The following ZNF106 variants were observed in gnomAD, a reference collection of about 807,000 sequenced individuals.
The protein encoded by ZNF106 is zinc finger protein 106.
ZNF106 carries 67 observed loss-of-function variants against 195.1 expected under a neutral mutation model. That is an observed-to-expected ratio of 0.34 (90% CI 0.28 to 0.42). The LOEUF is 0.42. Ranked by LOEUF, ZNF106 falls within the 10% of genes least tolerant of loss-of-function variation. ZNF106 has a pLI of 1.00. For missense variants in ZNF106, 2,118 were observed against 2,304.5 expected (o/e 0.92, Z 1.66); for synonymous variants, 784 against 818.6 (o/e 0.96, Z 0.72).
rs777876297 is a variant in ZNF106, at chr15:42,451,387, T to C, written c.885A>G (p.Lys295=). The C allele has an allele frequency of 3.1e-6, 5 of 1,614,218 alleles. No individual in the cohort carries two copies. Among genetic ancestry groups the C allele is most frequent in the Non-Finnish European group, 4.2e-6 (5 of 1,180,036 alleles). ...GCCAATTATATCTGTCGTGACTGTA[T>C]TTGTTTGACTTATTAGATTTCTTGT... ...LWNKKSNKSN[K]YSHDRYNWQR... is the part of the protein sequence containing the mutation. The change falls in exon 5 of 22, where the codon AAA becomes AAG. Residue 295 remains lysine, a synonymous_variant. Transcript: ENST00000564754.
chr15:42,426,410 A>AAG (rs1438033463), intron 15 of ZNF106, among the ~76,000 whole-genome samples: 1 of 151,464 alleles, frequency 6.6e-6, no homozygotes, highest in Non-Finnish European at 1.5e-5. Flanking sequence ...AAAAAAAAAA[A>AAG]AGAGAGAGAG....
At chr15:42,437,180 G>A in intron 13 of ZNF106, 52 bp downstream of exon 13, 1 of 1,565,396 alleles carries the variant, frequency 6.4e-7, no homozygotes, top group Non-Finnish European at 8.7e-7. Context: ...AGTATAAACT[G>A]GATTTTCCAA....
chr15:42,448,446 A>G lies in ZNF106; in HGVS notation c.2761T>C (p.Leu921=), dbSNP rs148979493. The G allele has an allele frequency of 5.3e-4, 848 of 1,613,964 alleles. No homozygotes were observed. Among genetic ancestry groups the G allele is most frequent in the Middle Eastern group, 2.1e-3 (13 of 6,084 alleles). Residue 921 remains leucine (L), a synonymous_variant, in exon 6 of 22, where the codon TTG becomes CTG. Transcript: ENST00000564754. ...GCTTTCTGGCTCTGTCCAGCCCTCAATGAGTTACTAGGTGAAACCATCTGC... is the reference window on the plus strand; with the variant it reads ...GCTTTCTGGCTCTGTCCAGCCCTCAGTGAGTTACTAGGTGAAACCATCTGC... ...PQQMVSPSNS[L]RAGQSQKATM...
At chr15:42,430,388 T>G (rs1253374287) in intron 14 of ZNF106, among the ~76,000 whole-genome samples, 1 of 152,038 alleles carries the variant, frequency 6.6e-6, no homozygotes, top group East Asian at 1.9e-4. Flanking sequence ...ACTTATGTAT[T>G]TGTTTTTTGA....
chr15:42,442,003 A>C, intron 10 of ZNF106, 70 bp downstream of exon 10: 1 of 1,258,742 alleles, frequency 7.9e-7, no homozygotes, highest in South Asian at 1.5e-5. Flanking sequence ...AGTATGGCTT[A>C]TATCACTCAT....
In ZNF106 at chr15:42,455,166, G is replaced by T. The variant is rs563556976; in HGVS notation, c.317+1792C>A. Among the ~76,000 whole-genome samples the T allele has an allele frequency of 5.3e-5, 8 of 152,284 alleles. No individual in the cohort carries two copies. In the South Asian group the frequency reaches 1.7e-3, roughly 32 times the overall value. On this transcript the variant is annotated intron_variant, in intron 4 of 21. Coordinates refer to ENST00000564754, the MANE Select transcript of ZNF106 (RefSeq NM_001366845.3). ...CATTTGAAGGACTAAGCTACTAAAT[G>T]ATTTAAGAACCATGTGGTTTGAGTG...
At chr15:42,456,921 T>C in intron 4 of ZNF106, 37 bp downstream of exon 4, 1 of 1,574,402 alleles carries the variant, frequency 6.4e-7, no homozygotes, top group Non-Finnish European at 8.7e-7. Flanking sequence ...CTGTGTTCTG[T>C]TATAGATAGG....
rs2054321539 is a variant in ZNF106, at chr15:42,413,026, T to C, written c.*4278A>G. ...GAAACCAAGGGTGCTGGAGCAGCTC[T>C]AGGGCATATATTTCTCTTAAATAGG... On this transcript the variant is annotated 3_prime_UTR_variant, in exon 22 of 22. Transcript: ENST00000564754. 1 of 152,222 alleles carries C rather than the reference T, an allele frequency of 6.6e-6. No homozygotes were observed. 9.4% of individuals were successfully genotyped at this position (152,222 alleles called of 1,614,324 possible). A position where few individuals can be genotyped will look rare whatever the true frequency, so the allele number is the denominator to read the frequency against.
At chr15:42,484,676 T>C (rs2056970771) in intron 1 of ZNF106, among the ~76,000 whole-genome samples, 1 of 152,162 alleles carries the variant, frequency 6.6e-6, no homozygotes, top group South Asian at 2.1e-4. Flanking sequence ...AGGCAGAGGT[T>C]GCAGTGAGCC....
At chr15:42,461,154 C>T (rs1188052172) in intron 3 of ZNF106, among the ~76,000 whole-genome samples, 1 of 152,144 alleles carries the variant, frequency 6.6e-6, no homozygotes, top group Admixed American at 6.6e-5. Context: ...CCTCTATTAC[C>T]TCTGTTCTCT....
At chr15:42,460,632 A>G (rs12443246) in intron 3 of ZNF106, among the ~76,000 whole-genome samples, 65,254 of 152,136 alleles carry the variant, frequency 0.43, 19,596 homozygotes, top group African/African-American at 0.85. Context: ...AGGCCGAGGC[A>G]GGCAGATCAC....
chr15:42,432,689 A>G (rs1424648010), intron 14 of ZNF106, among the ~76,000 whole-genome samples: 1 of 150,226 alleles, frequency 6.7e-6, no homozygotes, highest in Non-Finnish European at 1.5e-5. Flanking sequence ...CCTAGGCAAC[A>G]TAGCAAGACC....
chr15:42,436,091 C>T (rs1412840941), intron 13 of ZNF106, among the ~76,000 whole-genome samples: 3 of 151,882 alleles, frequency 2.0e-5, no homozygotes, highest in Non-Finnish European at 2.9e-5. Context: ...GTAGCTGGGA[C>T]TACAGGTGCC....
chr15:42,435,350 A>T, intron 14 of ZNF106, 34 bp downstream of exon 14: 1 of 1,613,800 alleles, frequency 6.2e-7, no homozygotes, highest in Non-Finnish European at 8.5e-7. Context: ...GCGACTCAAT[A>T]TGAACCACTT....
In ZNF106 at chr15:42,451,828, A is replaced by C; in HGVS notation, c.444T>G (p.Arg148=). ...ATTTCCAATCCCGCTGTGGAGGTCC[A>C]CGATGATGCCATGCAGGCTGACTGT... ...ESYSQPAWHH[R]GPPQRDWKWE... Residue 148 remains arginine (R), a synonymous_variant, in exon 5 of 22, where the codon CGT becomes CGG. Coordinates refer to ENST00000564754, the MANE Select transcript of ZNF106 (RefSeq NM_001366845.3). 6.2e-7 allele frequency: 1 copy of C among 1,614,212 alleles called. No individual in the cohort carries two copies. The highest frequency in any genetic ancestry group is 8.5e-7 in the Non-Finnish European group (1 of 1,180,036).
At position 42,450,702 on chromosome 15, in the gene ZNF106, G is replaced by A. The variant is rs772280487; in HGVS notation, c.1570C>T (p.Pro524Ser). The A allele has an allele frequency of 2.8e-5, 45 of 1,614,144 alleles. No individual in the cohort carries two copies. In the South Asian group the frequency reaches 3.3e-4, roughly 12 times the overall value. ...NKPTVEDNHG[P>S]YISKLRSSCP... The stretch of plus-strand genomic sequence containing the variant: ...GAACTACGCAGTTTGGATATGTAAG[G>A]ACCATGGTTATCTTCCACAGTGGGC... Residue 524 changes from proline to serine, a missense_variant, in exon 5 of 22, where the codon CCT becomes TCT. Transcript: ENST00000564754.
rs1039794637 is a variant in ZNF106, at chr15:42,420,992, G to T, written c.5517+69C>A. 13 of 1,311,818 alleles carry T rather than the reference G, an allele frequency of 9.9e-6. No homozygotes were observed. The African/African-American group carries it at 1.6e-4, about 16-fold the overall frequency. 81.3% of individuals were successfully genotyped at this position (1,311,818 alleles called of 1,614,324 possible). Reference sequence around the variant, plus strand: ...AAAATGCTACACTGATGATAATGAAGATCTATCAATTAGCCTAGGGTGAAG... The same window carrying T: ...AAAATGCTACACTGATGATAATGAATATCTATCAATTAGCCTAGGGTGAAG... On this transcript the variant is annotated intron_variant, in intron 20 of 21. Coordinates refer to ENST00000564754, the MANE Select transcript of ZNF106 (RefSeq NM_001366845.3).
chr15:42,419,265 G>T (rs1195292126), intron 20 of ZNF106, among the ~76,000 whole-genome samples: 1 of 152,140 alleles, frequency 6.6e-6, no homozygotes, highest in African/African-American at 2.4e-5. Context: ...TATCCAGGAG[G>T]CTGAGGCAGG....
rs2054357733 is a variant in ZNF106 at position 42,414,004 on chromosome 15, CAA to C, written c.*3298_*3299del. The C allele has an allele frequency of 6.6e-6, 1 of 152,204 alleles. No homozygotes were observed. The highest frequency in any genetic ancestry group is 1.5e-5 in the Non-Finnish European group (1 of 68,042). The allele number at this position is 152,204 out of a possible 1,614,324, so 9.4% of individuals were successfully genotyped here. ...CCATTTAAACACTAGCATAGGTACACAAAAAGATTTATACTATGGTTTTCTTG... is the reference window on the plus strand; with the variant it reads ...CCATTTAAACACTAGCATAGGTACACAAAGATTTATACTATGGTTTTCTTG... On this transcript the variant is annotated 3_prime_UTR_variant, in exon 22 of 22. Transcript: ENST00000564754.
Sources: gnomAD v4.1 joint callset for allele counts (sites outside exome capture counted in the v4.1 genomes callset) on GRCh38, gnomAD v4.1.1 for gene constraint, MANE v1.5 for transcripts, NCBI Gene and HGNC (gene_info 2026-07-23, HGNC 2026-07-21) for gene names.